FHIP1A: variants seen among roughly 807,000 people sequenced by gnomAD.
FHIP1A encodes FHF complex subunit HOOK interacting protein 1A, also known as FHF complex subunit HOOK-interacting protein 1A.
FHIP1A carries 61 observed loss-of-function variants against 88.6 expected under a neutral mutation model. The observed-to-expected ratio is 0.69, with a 90% CI of 0.56 to 0.85. The LOEUF (loss-of-function observed/expected upper bound fraction) is 0.85, where lower values mean the gene tolerates loss of function less well. Ranked by LOEUF, FHIP1A falls within the 40% of genes least tolerant of loss-of-function variation. The probability of loss-of-function intolerance (pLI) is 0.00; values close to 1 mark genes in which losing one functional copy is unlikely to be tolerated. For synonymous variants in FHIP1A, 478 were observed against 496.0 expected (o/e 0.96, Z 0.48); for missense variants, 1,154 against 1,273.5 (o/e 0.91, Z 1.43).
At chr4:151,597,554 G>A (rs538584144) in intron 7 of FHIP1A, among the ~76,000 whole-genome samples, 9 of 152,300 alleles carry the variant, frequency 5.9e-5, no homozygotes, top group African/African-American at 1.7e-4. Context: ...GAACTCGAGC[G>A]CTGTGCTGGG....
chr4:151,448,177 C>A (rs536382282), intron 1 of FHIP1A, among the ~76,000 whole-genome samples: 1 of 152,024 alleles, frequency 6.6e-6, no homozygotes, highest in African/African-American at 2.4e-5. Context: ...TCTTAGCCTC[C>A]GAAAGTGCTG....
At chr4:151,623,068 T>G (rs1735807576) in intron 7 of FHIP1A, among the ~76,000 whole-genome samples, 1 of 152,168 alleles carries the variant, frequency 6.6e-6, no homozygotes, top group Non-Finnish European at 1.5e-5. Context: ...TAACTTTGGA[T>G]GTGATGAAAG....
rs369437902 is a variant in FHIP1A, at chr4:151,540,011, AC to A, written c.-122-26125del. On this transcript the variant is annotated intron_variant, in intron 3 of 13. Transcript: ENST00000435205. ...CTGAGGTTCTTCTCAACTTCAAGTAACCTAAATGGGAAGTTAGGTTTATGCA... is the reference window on the plus strand; with the variant it reads ...CTGAGGTTCTTCTCAACTTCAAGTAACTAAATGGGAAGTTAGGTTTATGCA... Among the ~76,000 whole-genome samples the A allele has an allele frequency of 4.1e-3, 629 of 152,332 alleles. 8 individuals carry two copies. Among genetic ancestry groups the A allele is most frequent in the Middle Eastern group, 0.02 (6 of 294 alleles).
At chr4:151,649,420 C>T (rs1323741816) in intron 10 of FHIP1A, 39 bp from the exon 11 acceptor site, 1 of 1,461,978 alleles carries the variant, frequency 6.8e-7, no homozygotes, top group Admixed American at 2.1e-5. Flanking sequence ...TTTGTCCCCA[C>T]ACCTCCCTTG....
chr4:151,442,805 A>T (rs920944853), intron 1 of FHIP1A, among the ~76,000 whole-genome samples: 1 of 152,058 alleles, frequency 6.6e-6, no homozygotes, highest in Non-Finnish European at 1.5e-5. Context: ...CATATGTTCT[A>T]TCCTTGTGTC....
At chr4:151,487,048 G>A (rs1730113576) in intron 3 of FHIP1A, among the ~76,000 whole-genome samples, 1 of 151,844 alleles carries the variant, frequency 6.6e-6, no homozygotes, top group African/African-American at 2.4e-5. Flanking sequence ...AAGGAAAAGA[G>A]CCTTTGGCCC....
At chr4:151,511,502 G>A (rs182431242) in intron 3 of FHIP1A, among the ~76,000 whole-genome samples, 1,611 of 152,380 alleles carry the variant, frequency 0.011, 15 homozygotes, top group South Asian at 0.032. Context: ...CTCAGGAAGC[G>A]CAAGGGGTCA....
chr4:151,553,352 C>T (rs1298140024), intron 3 of FHIP1A, among the ~76,000 whole-genome samples: 2 of 151,938 alleles, frequency 1.3e-5, no homozygotes, highest in Non-Finnish European at 2.9e-5. Flanking sequence ...TGTGGGTATT[C>T]CTTGTATTAT....
chr4:151,660,003 C>T (rs781026712), intron 13 of FHIP1A, among the ~76,000 whole-genome samples: 2 of 152,200 alleles, frequency 1.3e-5, no homozygotes, highest in Non-Finnish European at 2.9e-5. Flanking sequence ...TATTCAGAGC[C>T]CTTTTACTGG....
chr4:151,560,796 T>C (rs933701029), intron 3 of FHIP1A, among the ~76,000 whole-genome samples: 6 of 152,266 alleles, frequency 3.9e-5, no homozygotes, highest in Middle Eastern at 3.4e-3. Flanking sequence ...ATCTCAATAC[T>C]TGCTATAAAT....
intron 8 of FHIP1A, among the ~76,000 whole-genome samples, chr4:151,636,326 G>A (rs377151649): frequency 6.6e-6 from 1 of 151,996 alleles, no homozygotes; most frequent in South Asian, 2.1e-4. Context: ...ATACTTAATA[G>A]TGAAGAATGT....
intron 7 of FHIP1A, among the ~76,000 whole-genome samples, chr4:151,615,160 G>A (rs1353724463): frequency 4.6e-5 from 7 of 151,280 alleles, no homozygotes; most frequent in Non-Finnish European, 8.8e-5. Flanking sequence ...TGTCTTTGAC[G>A]ACGTGTTCCA....
At chr4:151,531,757 C>G (rs1731885751) in intron 3 of FHIP1A, among the ~76,000 whole-genome samples, 4 of 152,202 alleles carry the variant, frequency 2.6e-5, no homozygotes, top group Admixed American at 2.6e-4. Flanking sequence ...GTACCTAGCA[C>G]TGGTCCTGGT....
At chr4:151,458,494 C>G (rs1166122644) in intron 2 of FHIP1A, among the ~76,000 whole-genome samples, 1 of 151,770 alleles carries the variant, frequency 6.6e-6, no homozygotes, top group Admixed American at 6.6e-5. Context: ...CTGTGAGGTG[C>G]AGAAGATGTG....
intron 3 of FHIP1A, among the ~76,000 whole-genome samples, chr4:151,492,694 A>C (rs1158224287): frequency 6.6e-6 from 1 of 152,186 alleles, no homozygotes; most frequent in Non-Finnish European, 1.5e-5. Context: ...CCTTAACACT[A>C]TACAAATACA....
In FHIP1A at chr4:151,649,859, C is replaced by A; in HGVS notation, c.1818C>A (p.Gly606=). The change falls in exon 11 of 14, where the codon GGC becomes GGA. Residue 606 remains glycine, a synonymous_variant. Coordinates refer to ENST00000435205, the MANE Select transcript of FHIP1A (RefSeq NM_001109977.3). ...PGPYDDLEVS[G]PPAPIDPPKH... is the part of the protein sequence containing the mutation. ...CTTATGATGATCTGGAGGTTTCAGG[C>A]CCCCCAGCACCCATTGATCCCCCCA... 6.4e-7 allele frequency: 1 copy of A among 1,551,324 alleles called. No homozygotes were observed. Among genetic ancestry groups the A allele is most frequent in the Non-Finnish European group, 8.7e-7 (1 of 1,146,878 alleles).
At chr4:151,461,299 A>G (rs574929912) in intron 2 of FHIP1A, among the ~76,000 whole-genome samples, 1 of 152,352 alleles carries the variant, frequency 6.6e-6, no homozygotes, top group East Asian at 1.9e-4. Context: ...AATAATACAT[A>G]CATGCATCTC....
chr4:151,637,459 T>C (rs569722836), intron 8 of FHIP1A, among the ~76,000 whole-genome samples: 1 of 152,096 alleles, frequency 6.6e-6, no homozygotes, highest in Non-Finnish European at 1.5e-5. Flanking sequence ...TACAACTCAA[T>C]AATAAAAAGA....
chr4:151,510,584 G>A (rs1730991719), intron 3 of FHIP1A, among the ~76,000 whole-genome samples: 1 of 152,130 alleles, frequency 6.6e-6, no homozygotes, highest in South Asian at 2.1e-4. Flanking sequence ...TGCATTTTTT[G>A]AACCTCATCT....
Sources: allele counts gnomAD v4.1 joint callset (sites outside exome capture counted in the v4.1 genomes callset), GRCh38; gene constraint gnomAD v4.1.1; transcripts MANE v1.5; gene names NCBI Gene and HGNC (gene_info 2026-07-23, HGNC 2026-07-21).